PARD3: variants seen among roughly 807,000 people sequenced by gnomAD.
The protein encoded by PARD3 is par-3 family cell polarity regulator.
A neutral mutation model predicts 155.4 loss-of-function variants in PARD3; 75 were observed. The ratio of observed to expected loss-of-function variants is 0.48; its 90% CI spans 0.40 to 0.58. PARD3 has a LOEUF of 0.58. PARD3 is among the 20% of genes least tolerant of loss of function. PARD3 has a pLI of 0.00. For missense variants in PARD3, 1,642 were observed against 1,721.7 expected, an observed-to-expected ratio of 0.95 and a Z score of 0.82; for synonymous variants, 576 against 610.5, an observed-to-expected ratio of 0.94 and a Z score of 0.83.
intron 5 of PARD3, among the ~76,000 whole-genome samples, chr10:34,414,078 G>C (rs552165689): frequency 6.6e-6 from 1 of 152,148 alleles, no homozygotes; most frequent in South Asian, 2.1e-4. Flanking sequence ...CGTGCCTATA[G>C]TCTCAGCGAC....
intron 22 of PARD3, among the ~76,000 whole-genome samples, chr10:34,194,827 T>C (rs889003465): frequency 5.9e-5 from 9 of 152,202 alleles, no homozygotes; most frequent in Non-Finnish European, 4.4e-5. Context: ...TTATTAAGAA[T>C]ACTTACTAGT....
At chr10:34,428,860 C>A (rs2075758858) in intron 5 of PARD3, among the ~76,000 whole-genome samples, 1 of 152,092 alleles carries the variant, frequency 6.6e-6, no homozygotes, top group Non-Finnish European at 1.5e-5. Context: ...ATACACACAT[C>A]CAAAATAGAA....
chr10:34,505,250 G>A (rs962864478), intron 3 of PARD3, among the ~76,000 whole-genome samples: 20 of 152,146 alleles, frequency 1.3e-4, no homozygotes, highest in African/African-American at 4.1e-4. Context: ...TTCTGCTTCC[G>A]ATAAACAGGT....
intron 23 of PARD3, among the ~76,000 whole-genome samples, chr10:34,130,717 A>G (rs985374315): frequency 8.5e-5 from 13 of 152,194 alleles, no homozygotes; most frequent in African/African-American, 2.4e-4. Context: ...ATGAACTGGA[A>G]TAAGATGGAT....
chr10:34,153,651 A>G (rs902088228), intron 22 of PARD3, among the ~76,000 whole-genome samples: 4 of 152,216 alleles, frequency 2.6e-5, no homozygotes, highest in African/African-American at 9.6e-5. Context: ...GTTTAATTCA[A>G]ACGTCTTGTA....
chr10:34,154,303 C>T (rs1948900375), intron 22 of PARD3, among the ~76,000 whole-genome samples: 1 of 152,240 alleles, frequency 6.6e-6, no homozygotes, highest in South Asian at 2.1e-4. Context: ...AACAATAATA[C>T]TACTAATAAT....
chr10:34,352,917 C>A (rs1332988666), intron 14 of PARD3, among the ~76,000 whole-genome samples: 1 of 151,880 alleles, frequency 6.6e-6, no homozygotes, highest in Non-Finnish European at 1.5e-5. Flanking sequence ...TCTGCCCGGC[C>A]GCCCATCGTC....
chr10:34,175,454 T>C (rs1452354194), intron 22 of PARD3, among the ~76,000 whole-genome samples: 7 of 152,232 alleles, frequency 4.6e-5, no homozygotes, highest in Admixed American at 3.3e-4. Flanking sequence ...TGCTTCCATA[T>C]GCCAATGCAG....
intron 2 of PARD3, among the ~76,000 whole-genome samples, chr10:34,547,907 T>C (rs1170276106): frequency 6.6e-6 from 1 of 152,206 alleles, no homozygotes; most frequent in Non-Finnish European, 1.5e-5. Flanking sequence ...AAATTCCCCA[T>C]GATGTCATAA....
chr10:34,444,386 T>G (rs188883553), intron 5 of PARD3, among the ~76,000 whole-genome samples: 12 of 152,346 alleles, frequency 7.9e-5, no homozygotes, highest in Admixed American at 2.6e-4. Context: ...TTATGATCTA[T>G]TATCTGCCAA....
At chr10:34,211,779 CAAAAAAAGAA>C (rs1235706505) in intron 22 of PARD3, among the ~76,000 whole-genome samples, 4 of 149,766 alleles carry the variant, frequency 2.7e-5, no homozygotes, top group East Asian at 2.0e-4. Flanking sequence ...GACTCCATCT[CAAAAAAAGAA>C]AAAAAAAGAA....
At chr10:34,635,392 A>G (rs1298520237) in intron 2 of PARD3, among the ~76,000 whole-genome samples, 1 of 152,250 alleles carries the variant, frequency 6.6e-6, no homozygotes, top group Admixed American at 6.5e-5. Flanking sequence ...GAGAGTGTGC[A>G]TTTGGGGCTC....
At chr10:34,731,743 T>TA (rs2094822011) in intron 1 of PARD3, among the ~76,000 whole-genome samples, 1 of 152,236 alleles carries the variant, frequency 6.6e-6, no homozygotes, top group South Asian at 2.1e-4. Flanking sequence ...CACAGTCTCC[T>TA]AGTTTTTTCA....
intron 5 of PARD3, among the ~76,000 whole-genome samples, chr10:34,448,669 GGT>G (rs1394596222): frequency 6.6e-6 from 1 of 151,886 alleles, no homozygotes; most frequent in African/African-American, 2.4e-5. Context: ...AGCTGGGCAT[GGT>G]GGTGTACATG....
intron 22 of PARD3, among the ~76,000 whole-genome samples, chr10:34,235,537 C>CT (rs962297777): frequency 5.9e-5 from 9 of 152,232 alleles, no homozygotes; most frequent in African/African-American, 1.9e-4. Flanking sequence ...GGATAATTTG[C>CT]TTTTTTTCCC....
At chr10:34,294,671 G>C (rs1956825327) in intron 20 of PARD3, among the ~76,000 whole-genome samples, 1 of 152,184 alleles carries the variant, frequency 6.6e-6, no homozygotes, top group Admixed American at 6.5e-5. Context: ...TTAGGGAGCT[G>C]ACATGTTTTT....
intron 5 of PARD3, among the ~76,000 whole-genome samples, chr10:34,415,443 T>A (rs568047618): frequency 2.0e-5 from 3 of 152,340 alleles, no homozygotes; most frequent in East Asian, 1.9e-4. Context: ...TGAATGATAC[T>A]CATAGTTGGC....
chr10:34,380,028 T>C (rs1841665822), intron 9 of PARD3, among the ~76,000 whole-genome samples: 1 of 152,106 alleles, frequency 6.6e-6, no homozygotes, highest in African/African-American at 2.4e-5. Context: ...AGTTTAACAC[T>C]GACACACCCT....
At chr10:34,146,078 T>C (rs1948491582) in intron 22 of PARD3, among the ~76,000 whole-genome samples, 1 of 152,212 alleles carries the variant, frequency 6.6e-6, no homozygotes, top group Admixed American at 6.5e-5. Context: ...CATTCTATAT[T>C]AACTATGTCC....
Sources: gnomAD v4.1 joint callset for allele counts (sites outside exome capture counted in the v4.1 genomes callset) on GRCh38, gnomAD v4.1.1 for gene constraint, MANE v1.5 for transcripts, NCBI Gene and HGNC (gene_info 2026-07-23, HGNC 2026-07-21) for gene names.